The following PIK3R4 variants were observed in gnomAD, a reference collection of about 807,000 sequenced individuals.
The protein encoded by PIK3R4 is phosphoinositide 3-kinase regulatory subunit 4.
A neutral mutation model predicts 136.5 loss-of-function variants in PIK3R4; 46 were observed. That is an observed-to-expected ratio of 0.34 (90% CI 0.27 to 0.43). The LOEUF (loss-of-function observed/expected upper bound fraction) is 0.43, where lower values mean the gene tolerates loss of function less well. Among genes scored for constraint, PIK3R4 ranks in the 20% least tolerant of loss-of-function variants. The pLI, the probability that PIK3R4 is intolerant of heterozygous loss-of-function variation, is 1.00. For synonymous variants in PIK3R4, 557 were observed against 566.7 expected, an observed-to-expected ratio of 0.98 and a Z score of 0.24; for missense variants, 1,331 against 1,649.5, an observed-to-expected ratio of 0.81 and a Z score of 3.35.
At chr3:130,728,717 A>C in intron 5 of PIK3R4, 33 bp from the exon 6 acceptor site, 2 of 1,405,354 alleles carry the variant, frequency 1.4e-6, no homozygotes, top group Non-Finnish European at 1.9e-6. Context: ...GAAAGAAAGA[A>C]AGAAAAGAAA....
intron 19 of PIK3R4, among the ~76,000 whole-genome samples, chr3:130,680,147 A>ATATT (rs2066448920): frequency 6.6e-6 from 1 of 152,106 alleles, no homozygotes; most frequent in Non-Finnish European, 1.5e-5. Flanking sequence ...AAGCTCATTA[A>ATATT]TATTTGTCAT....
intron 4 of PIK3R4, among the ~76,000 whole-genome samples, chr3:130,732,146 G>A (rs1303985998): frequency 6.6e-6 from 1 of 152,176 alleles, no homozygotes; most frequent in Admixed American, 6.5e-5. Context: ...TTTGGGTCAT[G>A]TTATTTAGTC....
rs2066617655 is a variant in PIK3R4 at position 130,708,469 on chromosome 3, G to GTCTTCC, written c.2349_2354dup (p.Glu783_Glu784dup). ...TGAAGTCTTTCAGTGCCAGAAGTTTGTCTTCCTCTTCCTCTGTCATTCCCT... is the reference window on the plus strand; with the variant it reads ...TGAAGTCTTTCAGTGCCAGAAGTTTGTCTTCCTCTTCCTCTTCCTCTGTCATTCCCT... On this transcript the variant is annotated inframe_insertion, in exon 10 of 20. Transcript: ENST00000356763. 6.2e-7 allele frequency: 1 copy of GTCTTCC among 1,612,768 alleles called. No homozygotes were observed. Among genetic ancestry groups the GTCTTCC allele is most frequent in the Non-Finnish European group, 8.5e-7 (1 of 1,179,028 alleles).
intron 19 of PIK3R4, among the ~76,000 whole-genome samples, chr3:130,680,060 C>CAAAAAAAA (rs1163413860): frequency 1.5e-5 from 1 of 65,592 alleles, no homozygotes; most frequent in African/African-American, 5.1e-5. Context: ...GACTCCATCT[C>CAAAAAAAA]AAAAAAAAAA....
intron 7 of PIK3R4, among the ~76,000 whole-genome samples, chr3:130,722,449 A>G (rs2066707179): frequency 6.6e-6 from 1 of 152,216 alleles, no homozygotes; most frequent in Non-Finnish European, 1.5e-5. Context: ...AACTATTTTC[A>G]TGATGATTTT....
At chr3:130,679,553 T>TACTGACG in intron 19 of PIK3R4, 68 bp from the exon 20 acceptor site, 1 of 1,050,496 alleles carries the variant, frequency 9.5e-7, no homozygotes, top group Non-Finnish European at 1.4e-6. Flanking sequence ...CTCTCGTCAG[T>TACTGACG]AGTCCTGCTT....
At chr3:130,705,531 A>T (rs765917911) in intron 12 of PIK3R4, 30 bp downstream of exon 12, 4 of 1,428,304 alleles carry the variant, frequency 2.8e-6, no homozygotes, top group Non-Finnish European at 4.0e-6. Context: ...CCTAGACTAG[A>T]CTACAACTAC....
intron 10 of PIK3R4, among the ~76,000 whole-genome samples, chr3:130,707,598 CTT>C (rs1415539336): frequency 2.0e-5 from 3 of 152,000 alleles, no homozygotes; most frequent in East Asian, 3.8e-4. Context: ...ACCATTAAAA[CTT>C]AAGTTACAAA....
At chr3:130,684,648 C>T (rs72998205) in intron 15 of PIK3R4, among the ~76,000 whole-genome samples, 4,041 of 152,282 alleles carry the variant, frequency 0.027, 187 homozygotes, top group African/African-American at 0.09. Flanking sequence ...TAGTTGCTGA[C>T]ATTGTTATTA....
At chr3:130,707,589 C>G (rs1384157823) in intron 10 of PIK3R4, among the ~76,000 whole-genome samples, 1 of 152,008 alleles carries the variant, frequency 6.6e-6, no homozygotes, top group African/African-American at 2.4e-5. Context: ...TGGATATAAA[C>G]CATTAAAACT....
At chr3:130,740,002 G>A (rs2066811801) in intron 2 of PIK3R4, among the ~76,000 whole-genome samples, 1 of 152,172 alleles carries the variant, frequency 6.6e-6, no homozygotes, top group Admixed American at 6.5e-5. Flanking sequence ...CTATACTCTA[G>A]TTAACAGTAA....
chr3:130,716,625 A>G, intron 8 of PIK3R4, 26 bp from the exon 9 acceptor site: 3 of 1,428,422 alleles, frequency 2.1e-6, no homozygotes, highest in Non-Finnish European at 2.9e-6. Context: ...AAAAAGGATC[A>G]GCCAAAAATA....
intron 9 of PIK3R4, among the ~76,000 whole-genome samples, chr3:130,712,617 G>A (rs550100265): frequency 6.0e-5 from 9 of 149,080 alleles, no homozygotes; most frequent in African/African-American, 1.2e-4. Context: ...GTGGTGAGCC[G>A]AGATCACACC....
rs34663155 is a variant in PIK3R4, at chr3:130,733,835, G to A, written c.1163C>T (p.Thr388Ile). ...LVSVITSCLQ[T>I]LKYCDSKLAA... ...TAGTTTGGAATCACAGTATTTAAGG[G>A]TCTGTAGGCAGGATGTTATAACAGA... The change falls in exon 4 of 20, where the codon ACC becomes ATC. Residue 388 changes from threonine (T) to isoleucine (I), a missense_variant. Physicochemically the swap from Thr to Ile is moderately conservative, Grantham distance 89. This residue lies in a region of PIK3R4 where 1,180 missense variants were observed against 1,407.0 expected (regional missense o/e 0.84). Transcript: ENST00000356763. 6.2e-6 allele frequency: 10 copies of A among 1,614,146 alleles called. No individual in the cohort carries two copies. The highest frequency in any genetic ancestry group is 8.5e-6 in the Non-Finnish European group (10 of 1,180,012).
chr3:130,680,703 G>A lies in PIK3R4; in HGVS notation c.3816C>T (p.Tyr1272=), dbSNP rs767128313. ...CTGCAACAACATAGGACCTTTCTGG[G>A]TAAGCCAAGTCCCAAAACCTAGGAA... ...DMKIRFWDLA[Y]PERSYVVAGS... is the part of the protein sequence containing the mutation. The change falls in exon 19 of 20, where the codon TAC becomes TAT. Residue 1272 remains tyrosine, a synonymous_variant. Coordinates refer to ENST00000356763, the MANE Select transcript of PIK3R4 (RefSeq NM_014602.3). 8.7e-6 allele frequency: 14 copies of A among 1,610,102 alleles called. No homozygotes were observed. Among genetic ancestry groups the A allele is most frequent in the South Asian group, 6.6e-5 (6 of 90,858 alleles).
In PIK3R4 at chr3:130,716,421, T is replaced by A; in HGVS notation, c.2306A>T (p.Gln769Leu). Residue 769 changes from glutamine to leucine, a missense_variant, in exon 9 of 20, where the codon CAG becomes CTG. This residue lies in a region of PIK3R4 where 1,180 missense variants were observed against 1,407.0 expected (regional missense o/e 0.84). Coordinates refer to ENST00000356763, the MANE Select transcript of PIK3R4 (RefSeq NM_014602.3). Reference protein sequence around the residue: ...CPPPEDPAIAQLLKKLLSQGM... With the variant: ...CPPPEDPAIALLLKKLLSQGM... ...CTGTGAGAGCAACTTCTTCAGAAGC[T>A]GTGCTATGGCAGGATCCTCTGGCGG... 6.2e-7 allele frequency: 1 copy of A among 1,614,194 alleles called. No individual in the cohort carries two copies. Among genetic ancestry groups the A allele is most frequent in the South Asian group, 1.1e-5 (1 of 91,086 alleles).
chr3:130,713,662 C>A (rs926666882), intron 9 of PIK3R4, among the ~76,000 whole-genome samples: 2 of 152,064 alleles, frequency 1.3e-5, no homozygotes, highest in African/African-American at 4.8e-5. Flanking sequence ...AAGAAAATGT[C>A]AAGATTAAGG....
At chr3:130,716,338 C>A in intron 9 of PIK3R4, 58 bp downstream of exon 9, 1 of 1,372,554 alleles carries the variant, frequency 7.3e-7, no homozygotes, top group South Asian at 1.2e-5. Context: ...TAAATGGACA[C>A]TTCAATATTT....
chr3:130,721,065 G>A (rs2107614548), intron 7 of PIK3R4, among the ~76,000 whole-genome samples: 1 of 152,096 alleles, frequency 6.6e-6, no homozygotes, highest in South Asian at 2.1e-4. Context: ...GCCGGGCGCG[G>A]TGGCTCACGC....
Sources: allele counts gnomAD v4.1 joint callset (sites outside exome capture counted in the v4.1 genomes callset), GRCh38; gene constraint gnomAD v4.1.1; regional missense constraint gnomAD v4.1.1; transcripts MANE v1.5; gene names NCBI Gene and HGNC (gene_info 2026-07-23, HGNC 2026-07-21).